The following CIROZ variants were observed in gnomAD, a reference collection of about 807,000 sequenced individuals.
CIROZ encodes ciliated left-right organizer ZP-N domains-containing protein.
chr1:10,958,855 G>T, the CIROZ span: 1 of 1,200,002 alleles, frequency 8.3e-7, no homozygotes, highest in Non-Finnish European at 1.2e-6. Flanking sequence ...CCCAGCAGGA[G>T]GCCGGTGAGA....
At chr1:10,976,052 C>T in the CIROZ span, 6 of 880,110 alleles carry the variant, frequency 6.8e-6, no homozygotes, top group South Asian at 1.6e-5. Context: ...AAGGCTTTCT[C>T]GCTTCCAAAG....
the CIROZ span, among the ~76,000 whole-genome samples, chr1:10,951,745 A>AAATAT: frequency 2.2e-3 from 260 of 119,160 alleles, no homozygotes; most frequent in East Asian, 9.0e-3. Flanking sequence ...AAAAAAAAAA[A>AAATAT]ATATATATAT....
chr1:10,957,539 G>A, the CIROZ span: 3 of 1,566,612 alleles, frequency 1.9e-6, no homozygotes, highest in Admixed American at 3.8e-5. Flanking sequence ...TCACTGGAGG[G>A]GTGGCAACCT....
chr1:10,949,314 G>A, the CIROZ span: 1 of 436,200 alleles, frequency 2.3e-6, no homozygotes, highest in East Asian at 4.7e-5. Context: ...CTCCATTTGT[G>A]TGCATAGCTG....
chr1:10,969,804 C>G, the CIROZ span, among the ~76,000 whole-genome samples: 1 of 151,984 alleles, frequency 6.6e-6, no homozygotes, highest in Non-Finnish European at 1.5e-5. Flanking sequence ...TGGGCGTGGA[C>G]GACTTTAGAG....
At chr1:10,981,956 T>G in the CIROZ span, 1 of 1,528,710 alleles carries the variant, frequency 6.5e-7, no homozygotes, top group African/African-American at 1.4e-5. Flanking sequence ...TCAAGGAGTG[T>G]GGGCACACTA....
At chr1:10,969,379 C>G in the CIROZ span, among the ~76,000 whole-genome samples, 1 of 152,156 alleles carries the variant, frequency 6.6e-6, no homozygotes, top group Non-Finnish European at 1.5e-5. Flanking sequence ...TTGGAAAGCT[C>G]ATGGCAGAAA....
At chr1:10,974,986 T>A in the CIROZ span, among the ~76,000 whole-genome samples, 1 of 152,238 alleles carries the variant, frequency 6.6e-6, no homozygotes, top group Non-Finnish European at 1.5e-5. This position sits in a 1 kb window ranked among gnomAD's most constrained non-coding sequence, Gnocchi z 4.4. Context: ...GAAGATGAAA[T>A]GAGGGCTGGG....
At chr1:10,974,795 C>G in the CIROZ span, among the ~76,000 whole-genome samples, 1 of 152,156 alleles carries the variant, frequency 6.6e-6, no homozygotes, top group Admixed American at 6.6e-5. This position sits in a 1 kb window ranked among gnomAD's most constrained non-coding sequence, Gnocchi z 4.4. Flanking sequence ...GATTTTAACC[C>G]ATGGCATTTA....
the CIROZ span, among the ~76,000 whole-genome samples, chr1:10,967,551 T>C: frequency 1.4e-4 from 21 of 152,228 alleles, no homozygotes; most frequent in Admixed American, 7.9e-4. Flanking sequence ...ATTTGTTATA[T>C]TGATTGTTTA....
At chr1:10,954,037 T>A in the CIROZ span, 1 of 1,612,394 alleles carries the variant, frequency 6.2e-7, no homozygotes, top group Non-Finnish European at 8.5e-7. Flanking sequence ...TGGAAGAAGC[T>A]CTCCACTGTC....
the CIROZ span, chr1:10,970,141 G>A: frequency 0.015 from 21,065 of 1,409,152 alleles, 200 homozygotes; most frequent in Non-Finnish European, 0.018. Flanking sequence ...AGGGAGGAAG[G>A]AAGGAAGGAA....
chr1:10,961,004 C>T, the CIROZ span, among the ~76,000 whole-genome samples: 2 of 152,086 alleles, frequency 1.3e-5, no homozygotes, highest in Non-Finnish European at 2.9e-5. Context: ...GCAGAGCCCC[C>T]CCCACCCACC....
chr1:10,973,702 T>C, the CIROZ span, among the ~76,000 whole-genome samples: 5 of 152,072 alleles, frequency 3.3e-5, no homozygotes, highest in Non-Finnish European at 7.4e-5. Flanking sequence ...CGGGAACTCC[T>C]TGGGTGCCTC....
the CIROZ span, among the ~76,000 whole-genome samples, chr1:10,969,399 AAGTG>A: frequency 6.6e-6 from 1 of 152,176 alleles, no homozygotes; most frequent in African/African-American, 2.4e-5. Context: ...AGGTTTCTGG[AAGTG>A]ACACTATGCC....
chr1:10,963,521 G>A, the CIROZ span, among the ~76,000 whole-genome samples: 1 of 152,166 alleles, frequency 6.6e-6, no homozygotes, highest in East Asian at 1.9e-4. Context: ...AGATGTTTGG[G>A]TTTCTAGCCC....
At chr1:10,971,845 G>A in the CIROZ span, among the ~76,000 whole-genome samples, 10 of 152,334 alleles carry the variant, frequency 6.6e-5, no homozygotes, top group Admixed American at 5.2e-4. Context: ...CTGTTGGCCA[G>A]CAACTGCTCA....
chr1:10,969,357 C>A, the CIROZ span, among the ~76,000 whole-genome samples: 7 of 152,068 alleles, frequency 4.6e-5, no homozygotes, highest in African/African-American at 1.7e-4. Flanking sequence ...CAATGCTTTC[C>A]TACTCCTTCT....
the CIROZ span, chr1:10,966,616 A>G: frequency 2.0e-6 from 2 of 1,024,878 alleles, no homozygotes; most frequent in Admixed American, 3.1e-5. Flanking sequence ...TAAAAATAGC[A>G]GTAATTTTTA....
Sources: allele counts gnomAD v4.1 joint callset (sites outside exome capture counted in the v4.1 genomes callset), GRCh38; gene constraint gnomAD v4.1.1; non-coding constraint Gnocchi (gnomAD v3.1); transcripts MANE v1.5; gene names NCBI Gene and HGNC (gene_info 2026-07-23, HGNC 2026-07-21).